The following ANKRD6 variants were observed in gnomAD, a reference collection of about 807,000 sequenced individuals.
ANKRD6 encodes the protein ankyrin repeat domain 6.
In ANKRD6, 56 loss-of-function variants were observed where a neutral mutation model predicts 82.3. The ratio of observed to expected loss-of-function variants is 0.68; its 90% CI spans 0.55 to 0.85. The LOEUF is 0.85. Among genes scored for constraint, ANKRD6 ranks in the 40% least tolerant of loss-of-function variants. ANKRD6 has a pLI of 0.00. For missense variants in ANKRD6, 852 were observed against 907.6 expected, an observed-to-expected ratio of 0.94 and a Z score of 0.79; for synonymous variants, 347 against 352.1, an observed-to-expected ratio of 0.99 and a Z score of 0.16.
At position 89,633,086 on chromosome 6, in the gene ANKRD6, A is replaced by G. The variant is rs1372081029; in HGVS notation, c.*2082A>G. 1 of 152,212 alleles carries G rather than the reference A, an allele frequency of 6.6e-6. No homozygotes were observed. The highest frequency in any genetic ancestry group is 2.4e-5 in the African/African-American group (1 of 41,454). The allele number at this position is 152,212 out of a possible 1,614,324, so 9.4% of individuals were successfully genotyped here. On this transcript the variant is annotated 3_prime_UTR_variant, in exon 16 of 16. Coordinates refer to ENST00000339746, the MANE Select transcript of ANKRD6 (RefSeq NM_001242809.2). The stretch of plus-strand genomic sequence containing the variant: ...TACCCATCAGAAGCAGGCAGCTAAT[A>G]TTGTGAACTGAGTATTTTTGTCAAA...
At chr6:89,443,165 T>G (rs890488589) in intron 1 of ANKRD6, among the ~76,000 whole-genome samples, 2 of 152,222 alleles carry the variant, frequency 1.3e-5, no homozygotes, top group African/African-American at 4.8e-5. Context: ...TTAATCTTAC[T>G]GCTGGTCAGT....
intron 1 of ANKRD6, among the ~76,000 whole-genome samples, chr6:89,460,635 C>G (rs1284746120): frequency 6.6e-6 from 1 of 151,914 alleles, no homozygotes. Context: ...GGGGTTTCAC[C>G]ATGTTGGCCA....
chr6:89,514,276 G>T (rs1451566246), intron 1 of ANKRD6, among the ~76,000 whole-genome samples: 2 of 152,158 alleles, frequency 1.3e-5, no homozygotes, highest in Non-Finnish European at 2.9e-5. Flanking sequence ...TACTTGGGAG[G>T]CTGAGGCAGG....
At chr6:89,620,682 C>G (rs932576392) in intron 9 of ANKRD6, among the ~76,000 whole-genome samples, 1 of 152,232 alleles carries the variant, frequency 6.6e-6, no homozygotes, top group East Asian at 1.9e-4. Flanking sequence ...AAGCACCTGA[C>G]AGTGACTGAC....
chr6:89,449,773 G>A (rs899650937), intron 1 of ANKRD6, among the ~76,000 whole-genome samples: 1 of 152,088 alleles, frequency 6.6e-6, no homozygotes, highest in Non-Finnish European at 1.5e-5. Flanking sequence ...TGCATATGTG[G>A]CTTGCCATTG....
chr6:89,616,414 ATAACGCTT>A (rs1801598400), intron 7 of ANKRD6, 137 bp from the exon 8 acceptor site: 1 of 669,822 alleles, frequency 1.5e-6, no homozygotes. Context: ...GTAGAGCCTC[ATAACGCTT>A]TAACAAAGGG....
intron 2 of ANKRD6, among the ~76,000 whole-genome samples, chr6:89,577,388 G>T (rs899991349): frequency 1.5e-4 from 23 of 152,170 alleles, no homozygotes; most frequent in African/African-American, 5.1e-4. Context: ...TTTTTTCTTT[G>T]CAAGAAAGCT....
At chr6:89,487,108 C>A (rs1422096274) in intron 1 of ANKRD6, among the ~76,000 whole-genome samples, 2 of 152,084 alleles carry the variant, frequency 1.3e-5, no homozygotes, top group East Asian at 1.9e-4. Context: ...ATTAACTGGG[C>A]AAATTATTGA....
intron 1 of ANKRD6, among the ~76,000 whole-genome samples, chr6:89,514,535 A>G (rs1368060748): frequency 6.6e-6 from 1 of 152,202 alleles, no homozygotes; most frequent in Non-Finnish European, 1.5e-5. Flanking sequence ...CCTGCCGTAA[A>G]TGGAATTAAA....
At chr6:89,512,854 T>G (rs1780717276) in intron 1 of ANKRD6, among the ~76,000 whole-genome samples, 1 of 152,178 alleles carries the variant, frequency 6.6e-6, no homozygotes, top group Non-Finnish European at 1.5e-5. Flanking sequence ...ACTCAGAAAA[T>G]TCAGATCTGG....
At chr6:89,611,128 A>G (rs1426561798) in intron 5 of ANKRD6, among the ~76,000 whole-genome samples, 1 of 152,012 alleles carries the variant, frequency 6.6e-6, no homozygotes, top group Non-Finnish European at 1.5e-5. Context: ...GCTAAGGTGA[A>G]GAGAAGGGGG....
At chr6:89,582,215 A>AT (rs1198354755) in intron 2 of ANKRD6, among the ~76,000 whole-genome samples, 7 of 152,072 alleles carry the variant, frequency 4.6e-5, no homozygotes, top group Non-Finnish European at 1.0e-4. Context: ...AATTAAAAAA[A>AT]TTTTTTTGTA....
rs58643589 is a variant in ANKRD6, at chr6:89,541,387, C to CTTTT, written c.-143-25427_-143-25424dup. On this transcript the variant is annotated intron_variant, in intron 1 of 15. Transcript: ENST00000339746. ...TCTAGGTATTTAATTTTACGTGTGG[C>CTTTT]TTTTTTTTTTTTTTTTTTTTTTTGA... Among the ~76,000 whole-genome samples the CTTTT allele has an allele frequency of 3.2e-3, 208 of 64,110 alleles. 4 individuals are homozygous for CTTTT. Among genetic ancestry groups the CTTTT allele is most frequent in the Middle Eastern group, 0.015 (1 of 66 alleles). 42.1% of individuals were successfully genotyped at this position (64,110 alleles called of 152,430 possible). A position where few individuals can be genotyped will look rare whatever the true frequency, so the allele number is the denominator to read the frequency against.
At chr6:89,594,682 G>A (rs1795529428) in intron 2 of ANKRD6, among the ~76,000 whole-genome samples, 1 of 152,124 alleles carries the variant, frequency 6.6e-6, no homozygotes, top group African/African-American at 2.4e-5. Context: ...GTTATGTGAA[G>A]TTTAGAATAT....
At chr6:89,442,653 A>AAT (rs1353954435) in intron 1 of ANKRD6, among the ~76,000 whole-genome samples, 1 of 151,838 alleles carries the variant, frequency 6.6e-6, no homozygotes, top group East Asian at 1.9e-4. Flanking sequence ...AAAAAAAAAA[A>AAT]AAAAGACAGC....
intron 2 of ANKRD6, among the ~76,000 whole-genome samples, chr6:89,568,789 C>T (rs73490544): frequency 0.015 from 2,281 of 152,118 alleles, 62 homozygotes; most frequent in African/African-American, 0.05. Context: ...AACCTGACCA[C>T]GCGGGTACCC....
intron 1 of ANKRD6, among the ~76,000 whole-genome samples, chr6:89,552,181 G>A (rs965326567): frequency 1.3e-5 from 2 of 152,230 alleles, no homozygotes; most frequent in East Asian, 1.9e-4. Context: ...GGGAGATGCT[G>A]ACTGAAGATA....
chr6:89,605,798 A>G lies in ANKRD6; in HGVS notation c.319-209A>G, dbSNP rs557029194. The stretch of plus-strand genomic sequence containing the variant: ...TCATGGATTCATTTCTCTTCTGTGC[A>G]TCTAGAATGGTTCTTATGATGTATC... On this transcript the variant is annotated intron_variant, in intron 4 of 15. Coordinates refer to ENST00000339746, the MANE Select transcript of ANKRD6 (RefSeq NM_001242809.2). 2.9e-4 allele frequency among the ~76,000 whole-genome samples: 44 copies of G among 152,218 alleles called. No homozygotes were observed. In the South Asian group the frequency reaches 5.8e-3, roughly 20 times the overall value.
rs1280569324 is a variant in ANKRD6, at chr6:89,524,431, T to TG, written c.-143-42401dup. ...TCCTGAGTTACTTTGCTTAGAATAA[T>TG]GGTCTCCTACACCATCCAGACTGCT... On this transcript the variant is annotated intron_variant, in intron 1 of 15. Coordinates refer to ENST00000339746, the MANE Select transcript of ANKRD6 (RefSeq NM_001242809.2). Among the ~76,000 whole-genome samples the TG allele has an allele frequency of 2.0e-5, 3 of 152,174 alleles. No individual in the cohort carries two copies. The East Asian group carries it at 5.8e-4, about 29-fold the overall frequency.
Sources: allele counts gnomAD v4.1 joint callset (sites outside exome capture counted in the v4.1 genomes callset), GRCh38; gene constraint gnomAD v4.1.1; transcripts MANE v1.5; gene names NCBI Gene and HGNC (gene_info 2026-07-23, HGNC 2026-07-21).